Variants in NINJ2 observed in about 807,000 individuals in gnomAD.
The protein encoded by NINJ2 is ninjurin-2.
A neutral mutation model predicts 11.7 loss-of-function variants in NINJ2; 12 were observed. The observed-to-expected ratio is 1.02, with a 90% CI of 0.66 to 1.66. NINJ2 has a LOEUF of 1.66. Among genes scored for constraint, NINJ2 ranks in the 40% most tolerant of loss-of-function variants. NINJ2 has a pLI of 0.00. For synonymous variants in NINJ2, 93 were observed against 76.8 expected (o/e 1.21, Z -1.10); for missense variants, 187 against 181.8 (o/e 1.03, Z -0.16).
intron 1 of NINJ2, chr12:610,461 TGA>T: frequency 6.5e-7 from 1 of 1,534,830 alleles, no homozygotes; most frequent in East Asian, 2.4e-5. Context: ...GCCTGGTGGC[TGA>T]GAGGAAAAGG....
chr12:570,657 G>A (rs1947363697), intron 1 of NINJ2, among the ~76,000 whole-genome samples: 3 of 152,164 alleles, frequency 2.0e-5, no homozygotes. Context: ...TTCGCCGCTG[G>A]CTCTCGCTTG....
intron 1 of NINJ2, among the ~76,000 whole-genome samples, chr12:612,268 G>T (rs1355912834): frequency 6.6e-6 from 1 of 152,168 alleles, no homozygotes; most frequent in East Asian, 1.9e-4. Flanking sequence ...ATTATTTGGC[G>T]TCTTGCGTCA....
At chr12:662,980 G>A (rs868726537) in intron 1 of NINJ2, among the ~76,000 whole-genome samples, 3 of 152,226 alleles carry the variant, frequency 2.0e-5, no homozygotes, top group Admixed American at 6.5e-5. Flanking sequence ...GCAGCTCTAA[G>A]AGAAGTCTCT....
At chr12:644,117 A>C (rs1178337856) in intron 1 of NINJ2, 3 of 154,886 alleles carry the variant, frequency 1.9e-5, no homozygotes, top group Non-Finnish European at 4.4e-5. Context: ...GGCAAGAAGG[A>C]AAACCGGAAA....
intron 1 of NINJ2, among the ~76,000 whole-genome samples, chr12:626,475 A>C (rs1226982617): frequency 1.3e-5 from 2 of 152,218 alleles, no homozygotes; most frequent in African/African-American, 4.8e-5. Context: ...GGGCCTGATC[A>C]TCAAGGCATC....
At chr12:636,204 C>T (rs954887311) in intron 1 of NINJ2, among the ~76,000 whole-genome samples, 1 of 151,710 alleles carries the variant, frequency 6.6e-6, no homozygotes, top group African/African-American at 2.4e-5. Flanking sequence ...TGGAGAAACC[C>T]CGTCTCTACT....
intron 1 of NINJ2, among the ~76,000 whole-genome samples, chr12:609,434 C>T (rs1423924687): frequency 1.3e-5 from 2 of 152,176 alleles, no homozygotes; most frequent in Non-Finnish European, 2.9e-5. Context: ...ATTTTGTAGT[C>T]CTTGTGAGCT....
chr12:597,962 T>C (rs1045961701), intron 1 of NINJ2, among the ~76,000 whole-genome samples: 11 of 152,246 alleles, frequency 7.2e-5, no homozygotes, highest in Admixed American at 2.0e-4. Flanking sequence ...GAACATTTAT[T>C]ATCACTAGTA....
chr12:596,548 A>G (rs1456379416), intron 1 of NINJ2, among the ~76,000 whole-genome samples: 2 of 152,204 alleles, frequency 1.3e-5, no homozygotes, highest in Non-Finnish European at 2.9e-5. Flanking sequence ...CTAAAAAAAT[A>G]AAGTTTAAAA....
At chr12:637,640 CAAA>C (rs1237593355) in intron 1 of NINJ2, among the ~76,000 whole-genome samples, 3 of 90,862 alleles carry the variant, frequency 3.3e-5, no homozygotes, top group Non-Finnish European at 4.6e-5. Context: ...GACTCCATCT[CAAA>C]AAAAAAAAAA....
At chr12:605,748 TG>T in intron 1 of NINJ2, among the ~76,000 whole-genome samples, 2 of 152,266 alleles carry the variant, frequency 1.3e-5, no homozygotes, top group East Asian at 3.9e-4. Flanking sequence ...GTTTTTCGAA[TG>T]GGTTCTATAT....
chr12:646,821 G>A (rs577732111), intron 1 of NINJ2, among the ~76,000 whole-genome samples: 6 of 152,178 alleles, frequency 3.9e-5, no homozygotes, highest in Non-Finnish European at 8.8e-5. Flanking sequence ...ACCAAAGCCT[G>A]ACCCCTCAAA....
At chr12:630,361 T>TTTTTGTTTTG (rs369527198) in intron 1 of NINJ2, among the ~76,000 whole-genome samples, 8 of 151,828 alleles carry the variant, frequency 5.3e-5, no homozygotes, top group Non-Finnish European at 8.8e-5. Flanking sequence ...TTTTCTTGGT[T>TTTTTGTTTTG]TTTTGTTTTG....
At chr12:639,555 G>C (rs1289178295) in intron 1 of NINJ2, among the ~76,000 whole-genome samples, 2 of 151,752 alleles carry the variant, frequency 1.3e-5, no homozygotes, top group Non-Finnish European at 2.9e-5. Flanking sequence ...GAACAGAAAA[G>C]AAAAAAAAGT....
intron 1 of NINJ2, among the ~76,000 whole-genome samples, chr12:659,185 A>C: frequency 6.6e-6 from 1 of 151,344 alleles, no homozygotes; most frequent in Non-Finnish European, 1.5e-5. Context: ...TTTTACCTCC[A>C]CTCCCATCTC....
At chr12:656,940 C>T (rs571039106) in intron 1 of NINJ2, among the ~76,000 whole-genome samples, 26 of 152,246 alleles carry the variant, frequency 1.7e-4, no homozygotes, top group Non-Finnish European at 3.4e-4. Flanking sequence ...AATAACCGGG[C>T]ATCCACGTGT....
chr12:574,436 G>A (rs1308756192), intron 1 of NINJ2, among the ~76,000 whole-genome samples: 1 of 152,120 alleles, frequency 6.6e-6, no homozygotes, highest in African/African-American at 2.4e-5. Flanking sequence ...AATCCCTGCT[G>A]TAATAGTGTT....
At chr12:578,195 G>A (rs780773131) in intron 1 of NINJ2, among the ~76,000 whole-genome samples, 7 of 152,018 alleles carry the variant, frequency 4.6e-5, no homozygotes, top group Non-Finnish European at 5.9e-5. Flanking sequence ...CCTCTCACGC[G>A]GACCCCCTTA....
At chr12:662,240 C>T (rs184486278) in intron 1 of NINJ2, among the ~76,000 whole-genome samples, 11 of 152,296 alleles carry the variant, frequency 7.2e-5, no homozygotes, top group Admixed American at 5.2e-4. Flanking sequence ...TCGGGGCTGG[C>T]TGCCAATCCA....
Sources: gnomAD v4.1 joint callset for allele counts (sites outside exome capture counted in the v4.1 genomes callset) on GRCh38, gnomAD v4.1.1 for gene constraint, MANE v1.5 for transcripts, NCBI Gene and HGNC (gene_info 2026-07-23, HGNC 2026-07-21) for gene names.